Variants in DCC observed in about 807,000 individuals in gnomAD.
The protein encoded by DCC is netrin receptor DCC.
A neutral mutation model predicts 172.5 loss-of-function variants in DCC; 58 were observed. That is an observed-to-expected ratio of 0.34 (90% CI 0.27 to 0.42). The LOEUF is 0.42. Among genes scored for constraint, DCC ranks in the 10% least tolerant of loss-of-function variants. The pLI is 1.00. For synonymous variants in DCC, 709 were observed against 644.5 expected, an observed-to-expected ratio of 1.10 and a Z score of -1.52; for missense variants, 1,740 against 1,791.0, an observed-to-expected ratio of 0.97 and a Z score of 0.51.
chr18:53,339,202 C>A (rs550441566), intron 14 of DCC, among the ~76,000 whole-genome samples: 2 of 152,174 alleles, frequency 1.3e-5, no homozygotes, highest in Non-Finnish European at 2.9e-5. Context: ...ATTTAATAAA[C>A]CATGAATCAA....
At chr18:53,294,296 C>T (rs1486538452) in intron 12 of DCC, among the ~76,000 whole-genome samples, 1 of 152,124 alleles carries the variant, frequency 6.6e-6, no homozygotes, top group Non-Finnish European at 1.5e-5. Context: ...GATGAACAGG[C>T]ATGGAGTTCA....
intron 11 of DCC, among the ~76,000 whole-genome samples, chr18:53,209,032 C>T (rs1383890602): frequency 6.6e-6 from 1 of 152,150 alleles, no homozygotes; most frequent in Admixed American, 6.6e-5. Context: ...CACCCAGCCT[C>T]AAGGGATTTT....
intron 7 of DCC, among the ~76,000 whole-genome samples, chr18:53,153,314 A>G (rs1379879397): frequency 6.6e-6 from 1 of 152,152 alleles, no homozygotes; most frequent in African/African-American, 2.4e-5. Flanking sequence ...GCTATCTATA[A>G]TTTCAGATTG....
At chr18:52,955,699 G>A (rs1321367768) in intron 5 of DCC, among the ~76,000 whole-genome samples, 1 of 152,020 alleles carries the variant, frequency 6.6e-6, no homozygotes, top group Non-Finnish European at 1.5e-5. Flanking sequence ...TCCACAACCT[G>A]GCCAGCATTT....
At chr18:52,586,090 AAAAAAAAAAAAAAAAAAAC>A (rs1327450890) in intron 1 of DCC, among the ~76,000 whole-genome samples, 2 of 150,138 alleles carry the variant, frequency 1.3e-5, no homozygotes, top group East Asian at 4.0e-4. Flanking sequence ...CTCAAAAAAA[AAAAAAAAAAAAAAAAAAAC>A]AAAAACACTG....
At chr18:52,868,822 G>A (rs944825737) in intron 2 of DCC, among the ~76,000 whole-genome samples, 1 of 152,222 alleles carries the variant, frequency 6.6e-6, no homozygotes, top group Non-Finnish European at 1.5e-5. Context: ...GTGGGAGTGA[G>A]CATGGGGTCC....
chr18:53,333,091 T>C (rs914974905), intron 14 of DCC, among the ~76,000 whole-genome samples: 1 of 148,314 alleles, frequency 6.7e-6, no homozygotes, highest in Admixed American at 6.8e-5. Context: ...AAAAGGAGAA[T>C]ATTGACAAAA....
At chr18:53,201,916 T>G (rs545822096) in intron 9 of DCC, among the ~76,000 whole-genome samples, 37 of 152,156 alleles carry the variant, frequency 2.4e-4, no homozygotes, top group African/African-American at 8.9e-4. Context: ...CAAAGAGGAA[T>G]GAGGAGAGCA....
At chr18:53,303,782 A>G (rs1437316564) in intron 12 of DCC, among the ~76,000 whole-genome samples, 2 of 152,314 alleles carry the variant, frequency 1.3e-5, no homozygotes, top group Middle Eastern at 3.4e-3. Context: ...CAGCTCTGCC[A>G]TCTGCAGACA....
At chr18:53,137,658 C>G (rs56817667) in intron 7 of DCC, among the ~76,000 whole-genome samples, 2,483 of 152,170 alleles carry the variant, frequency 0.016, 81 homozygotes, top group African/African-American at 0.057. Context: ...TGGCTTGGGC[C>G]ACTTTAGTGC....
intron 5 of DCC, among the ~76,000 whole-genome samples, chr18:53,056,831 T>A (rs2042411019): frequency 1.3e-5 from 2 of 152,068 alleles, no homozygotes. Flanking sequence ...TTACTCAGTT[T>A]GTGTTGTTCA....
intron 24 of DCC, among the ~76,000 whole-genome samples, chr18:53,463,339 T>G (rs2045582244): frequency 6.6e-6 from 1 of 152,212 alleles, no homozygotes; most frequent in South Asian, 2.1e-4. Context: ...AGAGTACTTA[T>G]GCCTACTTGT....
At chr18:52,488,830 C>T (rs1450451389) in intron 1 of DCC, among the ~76,000 whole-genome samples, 2 of 152,006 alleles carry the variant, frequency 1.3e-5, no homozygotes, top group East Asian at 1.9e-4. Context: ...TCTCTGCATG[C>T]CCTAAATGTG....
At chr18:52,409,869 T>A (rs1986786078) in intron 1 of DCC, among the ~76,000 whole-genome samples, 2 of 152,062 alleles carry the variant, frequency 1.3e-5, no homozygotes, top group African/African-American at 4.8e-5. Flanking sequence ...CTGAAAGTAA[T>A]AAAGGTGGCT....
At chr18:52,858,170 T>C (rs894926727) in intron 2 of DCC, among the ~76,000 whole-genome samples, 2 of 152,222 alleles carry the variant, frequency 1.3e-5, no homozygotes, top group African/African-American at 4.8e-5. Flanking sequence ...TCAGTCTTTC[T>C]GAAGACTGCG....
At chr18:53,150,023 GT>G (rs1277747028) in intron 7 of DCC, among the ~76,000 whole-genome samples, 1 of 152,148 alleles carries the variant, frequency 6.6e-6, no homozygotes, top group Non-Finnish European at 1.5e-5. Flanking sequence ...AGGAAGCATC[GT>G]TATGTGAACA....
chr18:52,800,007 T>G (rs2145224768), intron 2 of DCC, among the ~76,000 whole-genome samples: 1 of 152,306 alleles, frequency 6.6e-6, no homozygotes, highest in Middle Eastern at 3.4e-3. Flanking sequence ...TATCAAAATT[T>G]TAAGACGTAG....
intron 1 of DCC, among the ~76,000 whole-genome samples, chr18:52,356,236 T>A (rs1984357686): frequency 6.6e-6 from 1 of 152,114 alleles, no homozygotes; most frequent in South Asian, 2.1e-4. Flanking sequence ...ACAGATGCCA[T>A]CACACACTGC....
chr18:52,845,045 C>T (rs965051213), intron 2 of DCC, among the ~76,000 whole-genome samples: 3 of 152,228 alleles, frequency 2.0e-5, no homozygotes, highest in African/African-American at 7.2e-5. Context: ...TCTGTGCTAA[C>T]ATCTGACCTC....
Sources: gnomAD v4.1 joint callset for allele counts (sites outside exome capture counted in the v4.1 genomes callset) on GRCh38, gnomAD v4.1.1 for gene constraint, MANE v1.5 for transcripts, NCBI Gene and HGNC (gene_info 2026-07-23, HGNC 2026-07-21) for gene names.